Variants in DNAJC15 observed in about 807,000 individuals in gnomAD.
DNAJC15 encodes the protein dnaJ homolog subfamily C member 15.
In DNAJC15, 27 loss-of-function variants were observed where a neutral mutation model predicts 22.4. The ratio of observed to expected loss-of-function variants is 1.20; its 90% confidence interval spans 0.89 to 1.66. DNAJC15 has a LOEUF of 1.66. Among genes scored for constraint, DNAJC15 ranks in the 40% most tolerant of loss-of-function variants. DNAJC15 has a pLI of 0.00. For synonymous variants in DNAJC15, 79 were observed against 63.2 expected, an observed-to-expected ratio of 1.25 and a Z score of -1.19; for missense variants, 208 against 187.1, an observed-to-expected ratio of 1.11 and a Z score of -0.65.
In DNAJC15 at chr13:43,108,104, G is replaced by A. The variant is rs2040806978; in HGVS notation, c.*856G>A. 1 of 152,618 alleles carries A rather than the reference G, an allele frequency of 6.6e-6. No individual in the cohort carries two copies. The highest frequency in any genetic ancestry group is 2.4e-5 in the African/African-American group (1 of 41,462). The allele number at this position is 152,618 out of a possible 1,614,324, so 9.5% of individuals were successfully genotyped here. A position where few individuals can be genotyped will look rare whatever the true frequency, so the allele number is the denominator to read the frequency against. On this transcript the variant is annotated 3_prime_UTR_variant, in exon 6 of 6. Coordinates refer to ENST00000379221, the MANE Select transcript of DNAJC15 (RefSeq NM_013238.3). ...GGATAAATCACAAATAGTGAATACT[G>A]TTAGATACAGATGATATATTTTAAA... is the stretch of plus-strand genomic sequence containing the variant.
chr13:43,076,420 T>C (rs926078080), intron 3 of DNAJC15, among the ~76,000 whole-genome samples: 79 of 152,228 alleles, frequency 5.2e-4, no homozygotes, highest in African/African-American at 1.8e-3. Context: ...TTTTAAGCTC[T>C]AGTCATTTCC....
At chr13:43,072,814 T>C (rs2040615193) in intron 3 of DNAJC15, among the ~76,000 whole-genome samples, 1 of 152,218 alleles carries the variant, frequency 6.6e-6, no homozygotes, top group African/African-American at 2.4e-5. Context: ...TCCACCCACC[T>C]CAACCTCCCA....
intron 3 of DNAJC15, among the ~76,000 whole-genome samples, chr13:43,076,321 ATTAT>A (rs922455128): frequency 3.9e-5 from 6 of 152,212 alleles, no homozygotes; most frequent in Non-Finnish European, 8.8e-5. Context: ...ATTGCCAGGA[ATTAT>A]TTATTACCAA....
intron 3 of DNAJC15, among the ~76,000 whole-genome samples, chr13:43,075,118 G>A (rs977912059): frequency 3.3e-5 from 5 of 152,114 alleles, no homozygotes; most frequent in African/African-American, 1.2e-4. Context: ...ATACTTTTCT[G>A]CACCCAGCCC....
chr13:43,085,325 C>T (rs1332049212), intron 4 of DNAJC15, among the ~76,000 whole-genome samples: 3 of 143,598 alleles, frequency 2.1e-5, no homozygotes, highest in Non-Finnish European at 3.0e-5. Context: ...CATGCCACTG[C>T]ACTCCAACCT....
chr13:43,073,118 T>C (rs2040616527), intron 3 of DNAJC15, among the ~76,000 whole-genome samples: 1 of 152,222 alleles, frequency 6.6e-6, no homozygotes, highest in Non-Finnish European at 1.5e-5. Flanking sequence ...TTGATTCATA[T>C]TTATGATGAC....
intron 2 of DNAJC15, among the ~76,000 whole-genome samples, chr13:43,068,464 C>A (rs1186556761): frequency 6.6e-6 from 1 of 151,976 alleles, no homozygotes; most frequent in Non-Finnish European, 1.5e-5. Flanking sequence ...TTGATTAAAA[C>A]CATTTCTGTG....
At chr13:43,069,749 T>C (rs571384845) in intron 3 of DNAJC15, among the ~76,000 whole-genome samples, 262 of 152,322 alleles carry the variant, frequency 1.7e-3, no homozygotes, top group Non-Finnish European at 2.2e-3. Context: ...CAAACCAAGT[T>C]GATCATCCGC....
At chr13:43,095,132 GA>G (rs2153442008) in intron 5 of DNAJC15, among the ~76,000 whole-genome samples, 1 of 152,262 alleles carries the variant, frequency 6.6e-6, no homozygotes, top group African/African-American at 2.4e-5. Flanking sequence ...GAGACAGTAT[GA>G]CAAATTAATT....
At position 43,082,157 on chromosome 13, in the gene DNAJC15, A is replaced by G. The variant is rs548558987; in HGVS notation, c.311+3469A>G. Among the ~76,000 whole-genome samples, 16 of 151,498 alleles carry G rather than the reference A, an allele frequency of 1.1e-4. No homozygotes were observed. In the South Asian group the frequency reaches 1.7e-3, roughly 16 times the overall value. On this transcript the variant is annotated intron_variant, in intron 4 of 5. Transcript: ENST00000379221. ...GGAGACAGAGCCAAACCATATCACT[A>G]TATGTTACTCAAAAGCTCAGTAGTA...
chr13:43,057,087 C>T (rs1408952101), intron 1 of DNAJC15, among the ~76,000 whole-genome samples: 5 of 152,162 alleles, frequency 3.3e-5, no homozygotes, highest in Admixed American at 6.5e-5. Context: ...TTTGTGCCTA[C>T]ATGATTTTTT....
chr13:43,034,894 T>A (rs536603848), intron 1 of DNAJC15, among the ~76,000 whole-genome samples: 1 of 152,172 alleles, frequency 6.6e-6, no homozygotes, highest in Non-Finnish European at 1.5e-5. Context: ...ATCAGGCATT[T>A]CTCCAATGAG....
intron 1 of DNAJC15, among the ~76,000 whole-genome samples, chr13:43,037,948 T>A (rs558378181): frequency 6.6e-6 from 1 of 152,368 alleles, no homozygotes; most frequent in African/African-American, 2.4e-5. Flanking sequence ...AGCCTGCTTT[T>A]ATTCTGTACT....
chr13:43,064,808 GAGA>G (rs913187819), intron 1 of DNAJC15, among the ~76,000 whole-genome samples: 10 of 152,126 alleles, frequency 6.6e-5, no homozygotes, highest in Non-Finnish European at 1.0e-4. Context: ...AGGAGAAATG[GAGA>G]AGGACATCTC....
intron 3 of DNAJC15, among the ~76,000 whole-genome samples, chr13:43,072,213 A>G (rs545174180): frequency 1.3e-5 from 2 of 152,236 alleles, no homozygotes; most frequent in East Asian, 3.9e-4. Flanking sequence ...GAAAGTTTGT[A>G]GGATTTTCTC....
chr13:43,069,940 C>A (rs1040971480), intron 3 of DNAJC15, among the ~76,000 whole-genome samples: 1 of 151,938 alleles, frequency 6.6e-6, no homozygotes, highest in African/African-American at 2.4e-5. Flanking sequence ...TCAAAACTTA[C>A]CAGAAAGACT....
intron 3 of DNAJC15, among the ~76,000 whole-genome samples, chr13:43,077,022 C>T (rs975850020): frequency 1.3e-5 from 2 of 152,188 alleles, no homozygotes; most frequent in African/African-American, 2.4e-5. Flanking sequence ...AGGGAAGACT[C>T]CTTGGACTTC....
At chr13:43,092,501 CAT>C (rs113890206) in intron 5 of DNAJC15, among the ~76,000 whole-genome samples, 34,551 of 150,824 alleles carry the variant, frequency 0.23, 4,464 homozygotes, top group Non-Finnish European at 0.3. Context: ...TACACACACA[CAT>C]GTGTGTGTGT....
At chr13:43,071,046 C>T (rs1274842122) in intron 3 of DNAJC15, among the ~76,000 whole-genome samples, 4 of 152,090 alleles carry the variant, frequency 2.6e-5, no homozygotes, top group African/African-American at 9.7e-5. Flanking sequence ...GAAAGAATTT[C>T]AGAAATCGTT....
Sources: allele counts gnomAD v4.1 joint callset (sites outside exome capture counted in the v4.1 genomes callset), GRCh38; gene constraint gnomAD v4.1.1; transcripts MANE v1.5; gene names NCBI Gene and HGNC (gene_info 2026-07-23, HGNC 2026-07-21).